Variants in TTC7A observed in about 807,000 individuals in gnomAD.
TTC7A encodes the protein tetratricopeptide repeat domain 7A.
In TTC7A, 110 loss-of-function variants were observed where a neutral mutation model predicts 103.7. That is an observed-to-expected ratio of 1.06 (90% CI 0.91 to 1.24). TTC7A has a LOEUF of 1.24. TTC7A is among the 50% of genes most tolerant of loss of function. The probability of loss-of-function intolerance (pLI) is 0.00; values close to 1 mark genes in which losing one functional copy is unlikely to be tolerated. For synonymous variants in TTC7A, 521 were observed against 467.9 expected (o/e 1.11, Z -1.47); for missense variants, 1,340 against 1,116.3 (o/e 1.20, Z -2.86).
chr2:46,990,369 G>A lies in TTC7A; in HGVS notation c.765-3081G>A, dbSNP rs766159106. ...CGAAGGAGCTTCTTGTGGGGGGCCC[G>A]GGCCTGTCCTTGGGCCTGGCTTATC... On this transcript the variant is annotated intron_variant, in intron 5 of 19. Transcript: ENST00000319190. Among the ~76,000 whole-genome samples, 13 of 152,232 alleles carry A rather than the reference G, an allele frequency of 8.5e-5. 1 individual carries two copies. Among genetic ancestry groups the A allele is most frequent in the South Asian group, 4.1e-4 (2 of 4,820 alleles).
At chr2:46,971,338 T>C (rs1274407864) in intron 3 of TTC7A, among the ~76,000 whole-genome samples, 1 of 152,180 alleles carries the variant, frequency 6.6e-6, no homozygotes, top group Non-Finnish European at 1.5e-5. Flanking sequence ...ACAGTAATTT[T>C]GGGTAGACCT....
chr2:46,955,413 TAGAG>T (rs1290713018), intron 2 of TTC7A, among the ~76,000 whole-genome samples: 1 of 152,044 alleles, frequency 6.6e-6, no homozygotes, highest in Non-Finnish European at 1.5e-5. Flanking sequence ...AGTTAATTAA[TAGAG>T]AGAGCAGGTC....
chr2:46,951,703 GC>G (rs1558501196), intron 2 of TTC7A: 5 of 454,888 alleles, frequency 1.1e-5, no homozygotes, highest in South Asian at 7.8e-5. Flanking sequence ...GAGGCACTGC[GC>G]CCAGCTGATT....
chr2:46,983,543 G>A (rs1674695519), intron 5 of TTC7A, among the ~76,000 whole-genome samples: 2 of 152,204 alleles, frequency 1.3e-5, no homozygotes. Context: ...AGCTGTGCCT[G>A]CAGAGCTCTG....
intron 16 of TTC7A, among the ~76,000 whole-genome samples, chr2:47,047,651 T>A (rs1460908560): frequency 6.6e-6 from 1 of 152,216 alleles, no homozygotes; most frequent in East Asian, 1.9e-4. Context: ...TGTTCCTGCA[T>A]CCTTATCTGG....
intron 2 of TTC7A, among the ~76,000 whole-genome samples, chr2:46,932,509 A>C (rs1338435207): frequency 6.6e-6 from 1 of 152,202 alleles, no homozygotes; most frequent in Admixed American, 6.5e-5. Context: ...TAATGATTAC[A>C]TCTATGCACT....
intron 15 of TTC7A, among the ~76,000 whole-genome samples, chr2:47,041,777 T>C (rs564900438): frequency 5.3e-5 from 8 of 150,738 alleles, no homozygotes; most frequent in African/African-American, 2.0e-4. Flanking sequence ...AAGCTTGATA[T>C]GAGTTTACTA....
chr2:46,962,356 G>A (rs1331382694), intron 3 of TTC7A, among the ~76,000 whole-genome samples: 2 of 152,194 alleles, frequency 1.3e-5, no homozygotes, highest in Non-Finnish European at 2.9e-5. Flanking sequence ...CCTCAGCTCA[G>A]TATGCACGTC....
intron 5 of TTC7A, among the ~76,000 whole-genome samples, chr2:46,980,217 T>TC (rs1491406466): frequency 3.3e-5 from 1 of 30,106 alleles, no homozygotes; most frequent in Non-Finnish European, 1.0e-4. Flanking sequence ...ACTCTCTCTC[T>TC]TTTTTTTTTT....
intron 1 of TTC7A, among the ~76,000 whole-genome samples, chr2:46,945,495 G>A (rs557101549): frequency 4.6e-5 from 7 of 152,304 alleles, no homozygotes; most frequent in Admixed American, 2.0e-4. Flanking sequence ...TGTTCCAGCC[G>A]CCTCGGCCTC....
Position 46,941,581 on chromosome 2 carries a change from G to A in TTC7A, c.40G>A (p.Glu14Lys). ...KGAHGSYLKV[E>K]SELERCRAEG... ...CGCGCACGGCTCCTACCTGAAGGTG[G>A]AGAGCGAGCTGGAGCGCTGCCGCGC... The change falls in exon 1 of 20, where the codon GAG (glutamate) becomes AAG (lysine). Residue 14 changes from glutamate (E) to lysine (K), a missense_variant. Physicochemically the swap from Glu to Lys is moderately conservative, Grantham distance 56. Coordinates refer to ENST00000319190, the MANE Select transcript of TTC7A (RefSeq NM_020458.4). This position sits in a 1 kb window ranked among gnomAD's most constrained non-coding sequence, Gnocchi z 4.2. 6.4e-7 allele frequency: 1 copy of A among 1,557,648 alleles called. No homozygotes were observed. The highest frequency in any genetic ancestry group is 8.7e-7 in the Non-Finnish European group (1 of 1,151,378).
chr2:46,998,350 G>A (rs985212383), intron 8 of TTC7A, among the ~76,000 whole-genome samples: 2 of 152,114 alleles, frequency 1.3e-5, no homozygotes, highest in Non-Finnish European at 2.9e-5. Flanking sequence ...TTCTCTAAGT[G>A]GCCAGACCTG....
upstream of TTC7A, among the ~76,000 whole-genome samples, chr2:46,938,499 A>G (rs73926983): frequency 0.058 from 8,895 of 152,164 alleles, 315 homozygotes; most frequent in African/African-American, 0.093. Context: ...ACTTAATAGC[A>G]AGGGATTCAT....
chr2:46,974,861 G>T, intron 3 of TTC7A, 112 bp from the exon 4 acceptor site: 1 of 1,459,936 alleles, frequency 6.8e-7, no homozygotes, highest in Non-Finnish European at 9.3e-7. Flanking sequence ...CCTCCTCCTG[G>T]CTGCACCAGA....
chr2:47,012,761 G>A (rs1356013157), intron 11 of TTC7A, among the ~76,000 whole-genome samples: 1 of 152,156 alleles, frequency 6.6e-6, no homozygotes, highest in African/African-American at 2.4e-5. Flanking sequence ...GCTCCAGGGA[G>A]TCAGTCCTCC....
chr2:47,066,991 C>T (rs1333043614), intron 19 of TTC7A, among the ~76,000 whole-genome samples: 2 of 152,172 alleles, frequency 1.3e-5, no homozygotes, highest in Non-Finnish European at 2.9e-5. Context: ...CATCCCATGG[C>T]GGAAGGTGGA....
In TTC7A at chr2:47,075,386, G is replaced by C. The variant is rs1032969839; in HGVS notation, c.*1463G>C. 2 of 152,158 alleles carry C rather than the reference G, an allele frequency of 1.3e-5. No homozygotes were observed. The highest frequency in any genetic ancestry group is 2.1e-4 in the South Asian group (1 of 4,806). The allele number at this position is 152,158 out of a possible 1,614,324, so 9.4% of individuals were successfully genotyped here. On this transcript the variant is annotated 3_prime_UTR_variant, in exon 20 of 20. Coordinates refer to ENST00000319190, the MANE Select transcript of TTC7A (RefSeq NM_020458.4). Reference sequence around the variant, plus strand: ...AGTAAAGAAAAAGCAAATGCTGTTGGTTTATCTCAGGGTGCCCAAAGTGGT... The same window carrying C: ...AGTAAAGAAAAAGCAAATGCTGTTGCTTTATCTCAGGGTGCCCAAAGTGGT...
At chr2:47,040,169 G>A (rs973499689) in intron 15 of TTC7A, among the ~76,000 whole-genome samples, 1 of 152,192 alleles carries the variant, frequency 6.6e-6, no homozygotes, top group Non-Finnish European at 1.5e-5. Context: ...ACATAAAGAG[G>A]GGGCTTCTGT....
At chr2:46,987,838 GTGTGTT>G (rs1326944744) in intron 5 of TTC7A, among the ~76,000 whole-genome samples, 330 of 150,926 alleles carry the variant, frequency 2.2e-3, no homozygotes, top group African/African-American at 7.1e-3. Flanking sequence ...GTGTGTGTGT[GTGTGTT>G]TGTGTGTGTC....
Sources: allele counts gnomAD v4.1 joint callset (sites outside exome capture counted in the v4.1 genomes callset), GRCh38; gene constraint gnomAD v4.1.1; non-coding constraint Gnocchi (gnomAD v3.1); transcripts MANE v1.5; gene names NCBI Gene and HGNC (gene_info 2026-07-23, HGNC 2026-07-21).